The following FGF14 variants were observed in gnomAD, a reference collection of about 807,000 sequenced individuals.
The protein encoded by FGF14 is fibroblast growth factor homologous factor 4.
Under a neutral mutation model 25.5 loss-of-function variants are expected in FGF14, and 5 were observed. The ratio of observed to expected loss-of-function variants is 0.20; its 90% CI spans 0.10 to 0.41. FGF14 has a LOEUF of 0.41. FGF14 is among the 10% of genes least tolerant of loss of function. The pLI, the probability that FGF14 is intolerant of heterozygous loss-of-function variation, is 1.00. For synonymous variants in FGF14, 138 were observed against 118.3 expected (o/e 1.17, Z -1.08); for missense variants, 222 against 320.1 (o/e 0.69, Z 2.34).
At chr13:102,004,226 A>G (rs2039662305) in intron 1 of FGF14, among the ~76,000 whole-genome samples, 1 of 152,232 alleles carries the variant, frequency 6.6e-6, no homozygotes, top group Non-Finnish European at 1.5e-5. Context: ...TAATAAACTT[A>G]TACTTGAAAA....
chr13:102,068,377 T>G (rs2042991503), intron 1 of FGF14, among the ~76,000 whole-genome samples: 1 of 152,238 alleles, frequency 6.6e-6, no homozygotes, highest in Admixed American at 6.5e-5. Flanking sequence ...TTGGCGGCAC[T>G]TGAGGAGCCC....
At chr13:101,803,297 TAA>T (rs918327738) in intron 3 of FGF14, among the ~76,000 whole-genome samples, 7 of 150,728 alleles carry the variant, frequency 4.6e-5, no homozygotes, top group Non-Finnish European at 1.0e-4. Context: ...CTCAGCTAAT[TAA>T]AAAAAAAATT....
rs1027172666 is a variant in FGF14, at chr13:102,366,811, A to C, written c.208+34660T>G. ...ACATCTGATGGAAAGTAAATTTCAA[A>C]ACTTCTCTCTTCTGAACTAGCAGAG... On this transcript the variant is annotated intron_variant, in intron 1 of 4. Coordinates refer to the FGF14 transcript ENST00000376131. Among the ~76,000 whole-genome samples, 7 of 152,182 alleles carry C rather than the reference A, an allele frequency of 4.6e-5. No homozygotes were observed. The South Asian group carries it at 6.2e-4, about 13-fold the overall frequency.
intron 1 of FGF14, among the ~76,000 whole-genome samples, chr13:101,934,791 G>A (rs1328488618): frequency 1.3e-5 from 2 of 152,204 alleles, no homozygotes; most frequent in African/African-American, 4.8e-5. Context: ...GAGATTGGGA[G>A]AATGGAATGT....
chr13:101,741,596 C>A (rs1438175688), intron 3 of FGF14, among the ~76,000 whole-genome samples: 1 of 149,304 alleles, frequency 6.7e-6, no homozygotes, highest in Admixed American at 6.7e-5. Flanking sequence ...TTCATCTAAA[C>A]CTTTAAAAAT....
chr13:101,834,636 C>G (rs905335531), intron 3 of FGF14, among the ~76,000 whole-genome samples: 6 of 152,010 alleles, frequency 3.9e-5, no homozygotes, highest in Non-Finnish European at 8.8e-5. Context: ...TCTCCATTCT[C>G]AACAGGACAA....
intron 1 of FGF14, among the ~76,000 whole-genome samples, chr13:102,197,657 TATAG>T (rs1163053295): frequency 1.3e-4 from 20 of 151,782 alleles, no homozygotes; most frequent in South Asian, 4.2e-4. Flanking sequence ...TTTACACATA[TATAG>T]ATACATATTG....
At chr13:102,264,294 A>T (rs1053587207) in intron 1 of FGF14, among the ~76,000 whole-genome samples, 25 of 152,178 alleles carry the variant, frequency 1.6e-4, no homozygotes, top group African/African-American at 5.5e-4. Context: ...ACACCAACGC[A>T]AAGTTGAGGC....
intron 1 of FGF14, among the ~76,000 whole-genome samples, chr13:102,308,127 C>T (rs530998709): frequency 2.2e-4 from 34 of 152,222 alleles, no homozygotes; most frequent in South Asian, 6.2e-4. Flanking sequence ...TCCCTAAGAA[C>T]CTTCAGAAGA....
intron 1 of FGF14, among the ~76,000 whole-genome samples, chr13:102,208,639 G>C (rs775531267): frequency 6.6e-6 from 1 of 152,060 alleles, no homozygotes; most frequent in Non-Finnish European, 1.5e-5. Context: ...CTACAACATA[G>C]TTTATGTTGA....
At chr13:102,240,147 T>A (rs2051522203) in intron 1 of FGF14, among the ~76,000 whole-genome samples, 1 of 152,192 alleles carries the variant, frequency 6.6e-6, no homozygotes, top group African/African-American at 2.4e-5. Context: ...TTATTTTTTA[T>A]CAGCATCATA....
intron 1 of FGF14, among the ~76,000 whole-genome samples, chr13:102,090,667 G>A (rs1335447245): frequency 6.6e-6 from 1 of 152,284 alleles, no homozygotes; most frequent in Non-Finnish European, 1.5e-5. Flanking sequence ...TGCCTTTTTC[G>A]CTTTCAGAAG....
chr13:102,048,303 T>C (rs567920214), intron 1 of FGF14, among the ~76,000 whole-genome samples: 8 of 152,242 alleles, frequency 5.3e-5, no homozygotes, highest in Non-Finnish European at 1.0e-4. Context: ...TGTGAGGGAA[T>C]AATAAATACC....
chr13:101,925,204 G>A (rs2034283036), intron 1 of FGF14, among the ~76,000 whole-genome samples: 1 of 152,208 alleles, frequency 6.6e-6, no homozygotes, highest in African/African-American at 2.4e-5. Flanking sequence ...ACATTCAAAT[G>A]TTTTGGTATA....
chr13:102,072,711 A>T (rs956896943), intron 1 of FGF14, among the ~76,000 whole-genome samples: 1 of 152,242 alleles, frequency 6.6e-6, no homozygotes, highest in Non-Finnish European at 1.5e-5. Flanking sequence ...GACTGGCAGC[A>T]TATTATTCAT....
At chr13:101,890,082 C>T (rs1003108138) in intron 1 of FGF14, among the ~76,000 whole-genome samples, 1 of 152,082 alleles carries the variant, frequency 6.6e-6, no homozygotes, top group African/African-American at 2.4e-5. Context: ...TTAAACAATA[C>T]AAAAGCAAAA....
At chr13:101,969,653 T>C (rs1424088143) in intron 1 of FGF14, among the ~76,000 whole-genome samples, 2 of 152,218 alleles carry the variant, frequency 1.3e-5, no homozygotes, top group South Asian at 2.1e-4. Context: ...TCACCGTAAA[T>C]TGAACTCAAA....
At chr13:101,815,026 T>C (rs1404406269) in intron 3 of FGF14, among the ~76,000 whole-genome samples, 1 of 152,088 alleles carries the variant, frequency 6.6e-6, no homozygotes, top group Non-Finnish European at 1.5e-5. Flanking sequence ...ACCAACAAGG[T>C]GGGTATCTAT....
intron 1 of FGF14, among the ~76,000 whole-genome samples, chr13:101,911,503 A>T (rs2032927130): frequency 1.3e-5 from 2 of 152,312 alleles, no homozygotes; most frequent in South Asian, 4.1e-4. Context: ...TGAACTACTG[A>T]GGTATTAAAC....
Sources: gnomAD v4.1 joint callset for allele counts (sites outside exome capture counted in the v4.1 genomes callset) on GRCh38, gnomAD v4.1.1 for gene constraint, MANE v1.5 for transcripts, NCBI Gene and HGNC (gene_info 2026-07-23, HGNC 2026-07-21) for gene names.